Variants in TMEM135 observed in about 807,000 individuals in gnomAD.
TMEM135 encodes transmembrane protein 135.
In TMEM135, 30 loss-of-function variants were observed where a neutral mutation model predicts 60.3. The observed-to-expected ratio is 0.50, with a 90% confidence interval of 0.37 to 0.68. The LOEUF (loss-of-function observed/expected upper bound fraction) is 0.68, where lower values mean the gene tolerates loss of function less well. TMEM135 is among the 30% of genes least tolerant of loss of function. The pLI is 0.00. For synonymous variants in TMEM135, 190 were observed against 186.7 expected, an observed-to-expected ratio of 1.02 and a Z score of -0.14; for missense variants, 468 against 548.8, an observed-to-expected ratio of 0.85 and a Z score of 1.47.
chr11:87,084,523 A>G (rs1857055938), intron 3 of TMEM135, among the ~76,000 whole-genome samples: 1 of 152,094 alleles, frequency 6.6e-6, no homozygotes, highest in Non-Finnish European at 1.5e-5. Flanking sequence ...TCTCAAACTC[A>G]TGGGCTTAAG....
intron 4 of TMEM135, among the ~76,000 whole-genome samples, chr11:87,102,039 A>G (rs1857470106): frequency 6.6e-6 from 1 of 152,218 alleles, no homozygotes; most frequent in African/African-American, 2.4e-5. Context: ...ACAGAGAATG[A>G]TCCCCACAGA....
rs1949953000 is a variant in TMEM135, at chr11:87,062,137, C to T, written c.142-5557C>T. ...TCTCCTGCCTCAGCCTCCTGAGTAGCTGGGATTACAGGGACACACCACCAC... is the reference window on the plus strand; with the variant it reads ...TCTCCTGCCTCAGCCTCCTGAGTAGTTGGGATTACAGGGACACACCACCAC... On this transcript the variant is annotated intron_variant, in intron 1 of 14. Coordinates refer to ENST00000305494, the MANE Select transcript of TMEM135 (RefSeq NM_022918.4). 1.3e-5 allele frequency among the ~76,000 whole-genome samples: 2 copies of T among 151,954 alleles called. 1 individual carries two copies. Among genetic ancestry groups the T allele is most frequent in the Admixed American group, 1.3e-4 (2 of 15,254 alleles).
chr11:87,227,343 A>G (rs1940786907), intron 5 of TMEM135, among the ~76,000 whole-genome samples: 1 of 152,024 alleles, frequency 6.6e-6, no homozygotes, highest in South Asian at 2.1e-4. Context: ...ACTTCTTTTT[A>G]TGGGTGAAAA....
intron 5 of TMEM135, among the ~76,000 whole-genome samples, chr11:87,175,080 A>G (rs953290262): frequency 3.3e-5 from 5 of 152,168 alleles, no homozygotes. Context: ...TTTAATAGCC[A>G]TAAGTCTGGA....
chr11:87,163,435 C>A (rs1565468249), intron 5 of TMEM135, among the ~76,000 whole-genome samples: 1 of 146,960 alleles, frequency 6.8e-6, no homozygotes, highest in Non-Finnish European at 1.5e-5. Context: ...TCCAGTCTAT[C>A]ATTGTTGGAC....
intron 1 of TMEM135, among the ~76,000 whole-genome samples, chr11:87,065,212 A>G (rs986948353): frequency 6.6e-6 from 1 of 152,232 alleles, no homozygotes; most frequent in African/African-American, 2.4e-5. Flanking sequence ...ATACCCCAGG[A>G]CTACAATTGC....
At chr11:87,114,561 A>G (rs1006447078) in intron 4 of TMEM135, among the ~76,000 whole-genome samples, 39 of 152,210 alleles carry the variant, frequency 2.6e-4, no homozygotes, top group African/African-American at 9.4e-4. Context: ...GTAGAGCAGT[A>G]CAGTTTTAGT....
chr11:87,228,937 C>T (rs961219837), intron 5 of TMEM135, among the ~76,000 whole-genome samples: 4 of 151,998 alleles, frequency 2.6e-5, no homozygotes, highest in South Asian at 2.1e-4. Flanking sequence ...GCATAGTTTT[C>T]GTGTAATTCT....
At chr11:87,220,421 T>G (rs1053662742) in intron 5 of TMEM135, among the ~76,000 whole-genome samples, 2 of 152,208 alleles carry the variant, frequency 1.3e-5, no homozygotes, top group Non-Finnish European at 2.9e-5. Flanking sequence ...TTATTGTTAC[T>G]AATTAAATTT....
chr11:87,303,523 C>A (rs1231276189), intron 8 of TMEM135, among the ~76,000 whole-genome samples: 1 of 152,184 alleles, frequency 6.6e-6, no homozygotes, highest in Non-Finnish European at 1.5e-5. Flanking sequence ...GAGATTTAAC[C>A]ATTATGCATT....
chr11:87,276,211 CA>C (rs1215156480), intron 6 of TMEM135, among the ~76,000 whole-genome samples: 1 of 152,090 alleles, frequency 6.6e-6, no homozygotes, highest in Non-Finnish European at 1.5e-5. Context: ...TTATTATAAA[CA>C]TTTAATCCTC....
intron 5 of TMEM135, among the ~76,000 whole-genome samples, chr11:87,172,452 A>G (rs1230103966): frequency 6.6e-6 from 1 of 151,622 alleles, no homozygotes; most frequent in Non-Finnish European, 1.5e-5. Flanking sequence ...TTTGTTTTGT[A>G]TTACGACACG....
chr11:87,196,486 A>C (rs1939960418), intron 5 of TMEM135, among the ~76,000 whole-genome samples: 1 of 152,146 alleles, frequency 6.6e-6, no homozygotes, highest in Non-Finnish European at 1.5e-5. Flanking sequence ...AGGATATGCA[A>C]ATCTTTTGGT....
chr11:87,147,768 A>AT (rs1251101214), intron 4 of TMEM135, among the ~76,000 whole-genome samples: 1 of 151,930 alleles, frequency 6.6e-6, no homozygotes, highest in East Asian at 1.9e-4. Flanking sequence ...TTAACTTATT[A>AT]TTTTTTTGAG....
chr11:87,254,709 A>C (rs982203033), intron 6 of TMEM135, among the ~76,000 whole-genome samples: 5 of 152,204 alleles, frequency 3.3e-5, no homozygotes, highest in Non-Finnish European at 7.4e-5. Flanking sequence ...TGTTAGCACT[A>C]AAGCAAAAGG....
chr11:87,141,568 A>G (rs1462836506), intron 4 of TMEM135, among the ~76,000 whole-genome samples: 1 of 152,094 alleles, frequency 6.6e-6, no homozygotes, highest in Non-Finnish European at 1.5e-5. Context: ...TTTTTATAAT[A>G]TCTTTTCTGT....
chr11:87,294,690 T>C (rs12272741), intron 6 of TMEM135, among the ~76,000 whole-genome samples: 95,918 of 152,116 alleles, frequency 0.63, 30,529 homozygotes, highest in Non-Finnish European at 0.67. Flanking sequence ...GCCTAGGCCT[T>C]ACTCTTTATC....
intron 5 of TMEM135, among the ~76,000 whole-genome samples, chr11:87,184,304 A>T (rs914475474): frequency 6.6e-6 from 1 of 152,176 alleles, no homozygotes; most frequent in African/African-American, 2.4e-5. Context: ...TACCTGAATA[A>T]TTGGATTAAT....
intron 9 of TMEM135, among the ~76,000 whole-genome samples, chr11:87,307,281 G>C (rs1942565401): frequency 6.6e-6 from 1 of 151,660 alleles, no homozygotes; most frequent in Non-Finnish European, 1.5e-5. Context: ...AAATGACCAA[G>C]GATAAAATAG....
Sources: gnomAD v4.1 joint callset for allele counts (sites outside exome capture counted in the v4.1 genomes callset) on GRCh38, gnomAD v4.1.1 for gene constraint, MANE v1.5 for transcripts, NCBI Gene and HGNC (gene_info 2026-07-23, HGNC 2026-07-21) for gene names.